ATP2B4: variants seen among roughly 807,000 people sequenced by gnomAD.
ATP2B4 encodes the protein plasma membrane calcium-transporting ATPase 4.
Under a neutral mutation model 110.3 loss-of-function variants are expected in ATP2B4, and 39 were observed. That is an observed-to-expected ratio of 0.35 (90% CI 0.27 to 0.46). ATP2B4 has a LOEUF of 0.46. ATP2B4 is among the 20% of genes least tolerant of loss of function. The pLI is 1.00. For missense variants in ATP2B4, 1,135 were observed against 1,530.9 expected (o/e 0.74, Z 4.32); for synonymous variants, 538 against 571.7 (o/e 0.94, Z 0.84).
chr1:203,662,579 T>G (rs1664372995), intron 1 of ATP2B4, among the ~76,000 whole-genome samples: 1 of 152,224 alleles, frequency 6.6e-6, no homozygotes, highest in South Asian at 2.1e-4. Flanking sequence ...TGTGTGTGTG[T>G]GACTGGCTTA....
chr1:203,691,552 C>G (rs918836226), intron 2 of ATP2B4, among the ~76,000 whole-genome samples: 1 of 152,172 alleles, frequency 6.6e-6, no homozygotes, highest in African/African-American at 2.4e-5. Flanking sequence ...GGGAAGCATG[C>G]CCTGAGGAAG....
chr1:203,719,225 G>GAAGAA (rs1666245760), intron 15 of ATP2B4, among the ~76,000 whole-genome samples: 1 of 54,378 alleles, frequency 1.8e-5, no homozygotes, highest in African/African-American at 7.5e-5. Context: ...ACCCTGTCTC[G>GAAGAA]AAAAAAAAAA....
At chr1:203,724,245 C>T (rs187661782) in intron 19 of ATP2B4, among the ~76,000 whole-genome samples, 104 of 152,218 alleles carry the variant, frequency 6.8e-4, no homozygotes, top group African/African-American at 1.5e-3. Flanking sequence ...TGGCTGGGCG[C>T]AGTGGCTCAC....
intron 1 of ATP2B4, among the ~76,000 whole-genome samples, chr1:203,647,170 T>G (rs986596264): frequency 9.2e-5 from 14 of 152,154 alleles, no homozygotes; most frequent in African/African-American, 3.4e-4. Context: ...CTGGGCACAA[T>G]GGCCCATACC....
chr1:203,636,963 C>T (rs1663457608), intron 1 of ATP2B4, among the ~76,000 whole-genome samples: 1 of 152,146 alleles, frequency 6.6e-6, no homozygotes, highest in Admixed American at 6.5e-5. Context: ...TCTAAGATTT[C>T]CCACCTCCAC....
chr1:203,732,733 A>G (rs911181298), intron 20 of ATP2B4, among the ~76,000 whole-genome samples: 7 of 151,802 alleles, frequency 4.6e-5, no homozygotes, highest in Non-Finnish European at 1.0e-4. Context: ...ACAGGTAAAA[A>G]GGGGCCTGTA....
intron 1 of ATP2B4, among the ~76,000 whole-genome samples, chr1:203,653,285 G>C (rs1664052578): frequency 6.6e-6 from 1 of 152,228 alleles, no homozygotes; most frequent in Non-Finnish European, 1.5e-5. Context: ...CAGAAGAAAA[G>C]TTAGAAGCTA....
chr1:203,653,982 TATA>T (rs549187880), intron 1 of ATP2B4, among the ~76,000 whole-genome samples: 3,628 of 13,720 alleles, frequency 0.26, 114 homozygotes, highest in Middle Eastern at 0.42. Flanking sequence ...TATATATATA[TATA>T]TTTTTTTTTT....
intron 19 of ATP2B4, among the ~76,000 whole-genome samples, chr1:203,726,425 CTTTTT>C (rs71861339): frequency 6.9e-6 from 1 of 145,096 alleles, no homozygotes; most frequent in Non-Finnish European, 1.5e-5. Flanking sequence ...GTGAAGATTT[CTTTTT>C]TTTTTTTTTT....
intron 20 of ATP2B4, among the ~76,000 whole-genome samples, chr1:203,730,710 T>A (rs1479333102): frequency 6.6e-6 from 1 of 152,240 alleles, no homozygotes; most frequent in African/African-American, 2.4e-5. Flanking sequence ...CTACAAGGTC[T>A]TTTTGGTTTC....
chr1:203,701,033 G>A (rs987096640), intron 6 of ATP2B4, 110 bp downstream of exon 6: 1 of 1,370,220 alleles, frequency 7.3e-7, no homozygotes, highest in Non-Finnish European at 9.8e-7. Context: ...CTGCTGCCAT[G>A]AAGAAAGCAG....
At chr1:203,665,658 G>T (rs970648351) in intron 1 of ATP2B4, among the ~76,000 whole-genome samples, 9 of 152,036 alleles carry the variant, frequency 5.9e-5, no homozygotes, top group Admixed American at 2.0e-4. Flanking sequence ...AAATTAGCCA[G>T]GCACAGTGGT....
intron 1 of ATP2B4, among the ~76,000 whole-genome samples, chr1:203,663,569 T>TG (rs1211552527): frequency 2.0e-5 from 3 of 151,958 alleles, no homozygotes; most frequent in African/African-American, 7.2e-5. Flanking sequence ...GGGTTGGGCC[T>TG]AGAATTATCC....
chr1:203,701,677 G>A (rs1187149763), intron 6 of ATP2B4, among the ~76,000 whole-genome samples: 1 of 152,232 alleles, frequency 6.6e-6, no homozygotes, highest in East Asian at 1.9e-4. Flanking sequence ...TGGTGCTGTT[G>A]AAGTAACACG....
rs149885234 is a variant in ATP2B4 at position 203,667,806 on chromosome 1, C to T, written c.-464-14936C>T. Among the ~76,000 whole-genome samples the T allele has an allele frequency of 8.1e-3, 1,236 of 152,296 alleles. 16 individuals are homozygous for T. Among genetic ancestry groups the T allele is most frequent in the African/African-American group, 0.027 (1,142 of 41,552 alleles). On this transcript the variant is annotated intron_variant, in intron 1 of 20. Coordinates refer to ENST00000357681, the MANE Select transcript of ATP2B4 (RefSeq NM_001684.5). Reference sequence around the variant, plus strand: ...GGCGTGTCCTCAGCTTCTCTGAGGACTTGGCTGCTTACAGAGAGAGGGCCC... The same window carrying T: ...GGCGTGTCCTCAGCTTCTCTGAGGATTTGGCTGCTTACAGAGAGAGGGCCC...
intron 8 of ATP2B4, 67 bp from the exon 9 acceptor site, chr1:203,706,942 C>T: frequency 7.3e-7 from 1 of 1,368,742 alleles, no homozygotes; most frequent in Non-Finnish European, 1.0e-6. Context: ...TGATGCCAAT[C>T]TATCTCTGGC....
In ATP2B4 at chr1:203,721,718, A is replaced by G. The variant is rs987242957; in HGVS notation, c.2812+308A>G. On this transcript the variant is annotated intron_variant, in intron 17 of 20. Transcript: ENST00000357681. ...CGCTCTGTCACCCAGGCTGGAGTGCAGTGGCGCTAACTCGGGTCACTGCAA... is the reference window on the plus strand; with the variant it reads ...CGCTCTGTCACCCAGGCTGGAGTGCGGTGGCGCTAACTCGGGTCACTGCAA... Among the ~76,000 whole-genome samples the G allele has an allele frequency of 3.3e-4, 45 of 137,222 alleles. 1 individual carries two copies. Among genetic ancestry groups the G allele is most frequent in the South Asian group, 4.6e-4 (2 of 4,338 alleles). The allele number at this position is 137,222 out of a possible 152,430, so 90.0% of individuals were successfully genotyped here. A position where few individuals can be genotyped will look rare whatever the true frequency, so the allele number is the denominator to read the frequency against.
rs1663177015 is a variant in ATP2B4 at position 203,629,062 on chromosome 1, G to A, written c.-465+1843G>A. Among the ~76,000 whole-genome samples the A allele has an allele frequency of 6.6e-6, 1 of 152,154 alleles. No homozygotes were observed. The highest frequency in any genetic ancestry group is 1.5e-5 in the Non-Finnish European group (1 of 68,020). On this transcript the variant is annotated intron_variant, in intron 1 of 20. Transcript: ENST00000357681. The surrounding 1 kb of genome is among the most constrained non-coding windows in gnomAD (Gnocchi z 4.6). ...AAAGGCTACAGCTGAGACACTGCGGGAGAAGGAAGTAAAACACTTAGAGGA... is the reference window on the plus strand; with the variant it reads ...AAAGGCTACAGCTGAGACACTGCGGAAGAAGGAAGTAAAACACTTAGAGGA...
intron 1 of ATP2B4, among the ~76,000 whole-genome samples, chr1:203,635,897 A>C (rs1663422976): frequency 6.6e-6 from 1 of 152,176 alleles, no homozygotes; most frequent in African/African-American, 2.4e-5. Context: ...TAAGAAAGTA[A>C]GGTCCTTTAG....
Sources: gnomAD v4.1 joint callset for allele counts (sites outside exome capture counted in the v4.1 genomes callset) on GRCh38, gnomAD v4.1.1 for gene constraint, Gnocchi (gnomAD v3.1) non-coding constraint, MANE v1.5 for transcripts, NCBI Gene and HGNC (gene_info 2026-07-23, HGNC 2026-07-21) for gene names.